The following GSK3B variants were observed in gnomAD, a reference collection of about 807,000 sequenced individuals.
The protein encoded by GSK3B is glycogen synthase kinase 3 beta, also known as glycogen synthase kinase-3 beta.
Under a neutral mutation model 56.4 loss-of-function variants are expected in GSK3B, and 15 were observed. The ratio of observed to expected loss-of-function variants is 0.27; its 90% CI spans 0.18 to 0.41. GSK3B has a LOEUF of 0.41. Among genes scored for constraint, GSK3B ranks in the 10% least tolerant of loss-of-function variants. The probability of loss-of-function intolerance (pLI) is 1.00; values close to 1 mark genes in which losing one functional copy is unlikely to be tolerated. For missense variants in GSK3B, 300 were observed against 513.4 expected (o/e 0.58, Z 4.02); for synonymous variants, 181 against 188.9 (o/e 0.96, Z 0.34).
chr3:119,892,631 T>C (rs966718207), intron 7 of GSK3B, among the ~76,000 whole-genome samples: 3 of 152,166 alleles, frequency 2.0e-5, no homozygotes, highest in African/African-American at 7.2e-5. Flanking sequence ...GCCCAGCACC[T>C]AGTAAAAACT....
chr3:119,932,623 A>G (rs1195148774), intron 3 of GSK3B, among the ~76,000 whole-genome samples: 1 of 152,094 alleles, frequency 6.6e-6, no homozygotes, highest in Non-Finnish European at 1.5e-5. Flanking sequence ...TTGATTACAC[A>G]GAACTGTAAA....
chr3:119,882,580 G>T (rs945863832), intron 7 of GSK3B, among the ~76,000 whole-genome samples: 1 of 152,030 alleles, frequency 6.6e-6, no homozygotes, highest in East Asian at 1.9e-4. Flanking sequence ...ACATCAGCAT[G>T]CATATAATTA....
intron 9 of GSK3B, 149 bp from the exon 10 acceptor site, chr3:119,843,502 G>A (rs762565774): frequency 2.7e-5 from 9 of 329,582 alleles, no homozygotes; most frequent in Non-Finnish European, 4.1e-5. Flanking sequence ...TAGCACTTTG[G>A]GAGGCCAAGG....
At chr3:119,899,156 C>T (rs940547871) in intron 7 of GSK3B, among the ~76,000 whole-genome samples, 1 of 152,044 alleles carries the variant, frequency 6.6e-6, no homozygotes, top group Admixed American at 6.6e-5. Flanking sequence ...GTAGTGTATA[C>T]AGCATGGATA....
At chr3:119,975,929 A>G (rs1414494310) in intron 2 of GSK3B, among the ~76,000 whole-genome samples, 1 of 152,178 alleles carries the variant, frequency 6.6e-6, no homozygotes, top group East Asian at 1.9e-4. Context: ...TCAAATAGAC[A>G]TTTCTCCCCA....
At chr3:120,077,295 T>G (rs991329259) in intron 1 of GSK3B, among the ~76,000 whole-genome samples, 1 of 152,162 alleles carries the variant, frequency 6.6e-6, no homozygotes, top group Admixed American at 6.5e-5. Flanking sequence ...GACGAATGGT[T>G]AAACTTCAGT....
chr3:120,002,308 T>C (rs2057685701), intron 1 of GSK3B, 69 bp from the exon 2 acceptor site: 1 of 767,346 alleles, frequency 1.3e-6, no homozygotes, highest in African/African-American at 1.8e-5. Flanking sequence ...ACTGCCAAAA[T>C]ATACAAGGTA....
intron 8 of GSK3B, among the ~76,000 whole-genome samples, chr3:119,871,510 A>C: frequency 6.6e-6 from 1 of 152,184 alleles, no homozygotes; most frequent in East Asian, 1.9e-4. Context: ...GAATTGCTAT[A>C]ATATATATGG....
At chr3:119,920,902 G>C (rs1394502364) in intron 4 of GSK3B, among the ~76,000 whole-genome samples, 2 of 152,158 alleles carry the variant, frequency 1.3e-5, no homozygotes, top group South Asian at 2.1e-4. Context: ...TCCTAGCTCT[G>C]TTCGCTAAAA....
intron 2 of GSK3B, among the ~76,000 whole-genome samples, chr3:119,987,820 A>G (rs1392937182): frequency 1.3e-5 from 2 of 152,252 alleles, no homozygotes. Flanking sequence ...ATTGTCAAAT[A>G]TAAAACGGTA....
chr3:120,039,359 G>C (rs191001824), intron 1 of GSK3B, among the ~76,000 whole-genome samples: 1 of 152,338 alleles, frequency 6.6e-6, no homozygotes, highest in African/African-American at 2.4e-5. Flanking sequence ...ACACAAGTGA[G>C]TTGAAAACTT....
intron 7 of GSK3B, among the ~76,000 whole-genome samples, chr3:119,894,907 T>C (rs2056545494): frequency 2.6e-5 from 4 of 152,178 alleles, no homozygotes; most frequent in Admixed American, 2.0e-4. Context: ...TCTGAATTCA[T>C]TTGTTTTTAA....
chr3:119,949,714 T>C (rs1273630501), intron 2 of GSK3B, among the ~76,000 whole-genome samples: 1 of 145,544 alleles, frequency 6.9e-6, no homozygotes, highest in African/African-American at 2.6e-5. Context: ...AAGCATTCTA[T>C]CATTTGAACC....
At chr3:119,966,647 A>G (rs550472318) in intron 2 of GSK3B, among the ~76,000 whole-genome samples, 4 of 152,318 alleles carry the variant, frequency 2.6e-5, no homozygotes, top group Admixed American at 2.6e-4. Flanking sequence ...TTTTCCAATA[A>G]TTTACAGAAA....
chr3:119,847,782 C>T (rs777450869), intron 9 of GSK3B, among the ~76,000 whole-genome samples: 13 of 152,138 alleles, frequency 8.5e-5, no homozygotes, highest in African/African-American at 1.4e-4. Flanking sequence ...TATTTGACTA[C>T]AGGAAATACT....
chr3:119,916,238 A>C, intron 4 of GSK3B, 64 bp from the exon 5 acceptor site: 1 of 1,338,870 alleles, frequency 7.5e-7, no homozygotes, highest in African/African-American at 1.5e-5. Flanking sequence ...ATCCTTAAGC[A>C]GTCAATAAAG....
intron 1 of GSK3B, among the ~76,000 whole-genome samples, chr3:120,058,710 G>A (rs1361621368): frequency 6.6e-6 from 1 of 152,062 alleles, no homozygotes; most frequent in Admixed American, 6.6e-5. Context: ...TATGAGGACT[G>A]TGTCAAAAGA....
chr3:119,961,884 T>A (rs1018741760), intron 2 of GSK3B, among the ~76,000 whole-genome samples: 1 of 152,196 alleles, frequency 6.6e-6, no homozygotes, highest in African/African-American at 2.4e-5. Flanking sequence ...TATTATAGAA[T>A]AGGCTATGCG....
At chr3:119,932,381 T>G (rs1376738380) in intron 3 of GSK3B, among the ~76,000 whole-genome samples, 1 of 152,082 alleles carries the variant, frequency 6.6e-6, no homozygotes, top group African/African-American at 2.4e-5. Flanking sequence ...AGAGAATACC[T>G]TTTTGCTTGA....
Sources: gnomAD v4.1 joint callset for allele counts (sites outside exome capture counted in the v4.1 genomes callset) on GRCh38, gnomAD v4.1.1 for gene constraint, MANE v1.5 for transcripts, NCBI Gene and HGNC (gene_info 2026-07-23, HGNC 2026-07-21) for gene names.